Variants in RIMKLB observed in about 807,000 individuals in gnomAD.
The protein encoded by RIMKLB is ribosomal modification protein rimK like family member B.
A neutral mutation model predicts 32.0 loss-of-function variants in RIMKLB; 7 were observed. That is an observed-to-expected ratio of 0.22 (90% CI 0.12 to 0.41). The LOEUF (loss-of-function observed/expected upper bound fraction) is 0.41, where lower values mean the gene tolerates loss of function less well. RIMKLB is among the 10% of genes least tolerant of loss of function. The pLI, the probability that RIMKLB is intolerant of heterozygous loss-of-function variation, is 1.00. For synonymous variants in RIMKLB, 172 were observed against 185.1 expected, an observed-to-expected ratio of 0.93 and a Z score of 0.57; for missense variants, 289 against 498.7, an observed-to-expected ratio of 0.58 and a Z score of 4.00.
intron 1 of RIMKLB, among the ~76,000 whole-genome samples, chr12:8,702,858 A>C (rs1565552507): frequency 6.6e-6 from 1 of 152,260 alleles, no homozygotes; most frequent in East Asian, 1.9e-4. Context: ...AAATTTAGAC[A>C]GAAGGCCAGA....
downstream of RIMKLB, chr12:8,777,215 CTTTTTTTTT>C (rs35828763): frequency 2.8e-4 from 199 of 703,910 alleles, no homozygotes; most frequent in Admixed American, 9.0e-4. Flanking sequence ...TGCTTGCTTT[CTTTTTTTTT>C]TTTTTTTTTT....
At chr12:8,763,999 A>G (rs1287785843) in intron 5 of RIMKLB, among the ~76,000 whole-genome samples, 5 of 152,186 alleles carry the variant, frequency 3.3e-5, no homozygotes, top group African/African-American at 1.2e-4. Flanking sequence ...AGCAGAGTAT[A>G]AGGGTTAGGT....
At chr12:8,762,090 G>A (rs1348507101) in intron 5 of RIMKLB, among the ~76,000 whole-genome samples, 1 of 152,106 alleles carries the variant, frequency 6.6e-6, no homozygotes, top group Non-Finnish European at 1.5e-5. Context: ...GGTGAAAGTG[G>A]GGTTTCCTTT....
At chr12:8,690,618 T>C (rs1942705450) in intron 1 of RIMKLB, among the ~76,000 whole-genome samples, 2 of 152,210 alleles carry the variant, frequency 1.3e-5, no homozygotes, top group Admixed American at 6.5e-5. Context: ...CTCCGTTTGC[T>C]CATCTGTAAA....
At chr12:8,698,711 C>CA in intron 1 of RIMKLB, among the ~76,000 whole-genome samples, 1 of 146,360 alleles carries the variant, frequency 6.8e-6, no homozygotes, top group East Asian at 1.9e-4. Flanking sequence ...TCCCCCTCCC[C>CA]CCCCTTCCCA....
rs912610962 is a variant in RIMKLB at position 8,745,119 on chromosome 12, T to G, written c.176-4743T>G. On this transcript the variant is annotated intron_variant, in intron 2 of 5. Coordinates refer to ENST00000535829, the MANE Select transcript of RIMKLB (RefSeq NM_001297776.2). ...GTTTGGTTTTCTGTCCTTGTGAAAT[T>G]TTTGTGTTTTTAGTAGAGACGGGTT... Among the ~76,000 whole-genome samples the G allele has an allele frequency of 6.6e-5, 10 of 151,936 alleles. 1 individual carries two copies. The highest frequency in any genetic ancestry group is 2.4e-4 in the African/African-American group (10 of 41,196).
chr12:8,737,125 A>G (rs116609451), intron 2 of RIMKLB, among the ~76,000 whole-genome samples: 1 of 152,254 alleles, frequency 6.6e-6, no homozygotes, highest in African/African-American at 2.4e-5. Flanking sequence ...ATTAATTACT[A>G]TTAACTAATA....
chr12:8,711,400 GA>G (rs148274515), intron 1 of RIMKLB, among the ~76,000 whole-genome samples: 12 of 149,064 alleles, frequency 8.1e-5, no homozygotes, highest in South Asian at 2.1e-4. Flanking sequence ...GTCTCAGAAA[GA>G]AAAAAAAAAT....
rs758610904 is a variant in RIMKLB, at chr12:8,764,072, C to T, written c.698-9249C>T. ...TCCTGAGATCTTGCACTAACCTCCA[C>T]TGTCCGTTGGGTTTCTGTACTCCTA... is the stretch of plus-strand genomic sequence containing the variant. On this transcript the variant is annotated intron_variant, in intron 5 of 5. Coordinates refer to ENST00000535829, the MANE Select transcript of RIMKLB (RefSeq NM_001297776.2). Among the ~76,000 whole-genome samples, 48 of 152,314 alleles carry T rather than the reference C, an allele frequency of 3.2e-4. No individual in the cohort carries two copies. In the Middle Eastern group the frequency reaches 0.01, roughly 32 times the overall value.
chr12:8,703,991 A>G (rs973291616), intron 1 of RIMKLB, among the ~76,000 whole-genome samples: 6 of 152,212 alleles, frequency 3.9e-5, no homozygotes, highest in Non-Finnish European at 8.8e-5. Flanking sequence ...TGGGTCTACT[A>G]TTGTGATATC....
intron 3 of RIMKLB, 37 bp downstream of exon 3, chr12:8,750,129 A>G (rs1232796101): frequency 9.4e-6 from 12 of 1,280,864 alleles, no homozygotes; most frequent in Non-Finnish European, 1.2e-5. Flanking sequence ...CCTGAATATT[A>G]ACCACTGATA....
At position 8,774,853 on chromosome 12, in the gene RIMKLB, TCACATTTTA is replaced by T. The variant is rs1186288947; in HGVS notation, c.*1071_*1079del. On this transcript the variant is annotated 3_prime_UTR_variant, in exon 6 of 6. Coordinates refer to ENST00000535829, the MANE Select transcript of RIMKLB (RefSeq NM_001297776.2). ...TGCCAGCGTTATATATTTGCATTTT[TCACATTTTA>T]CGAGGGAGTATATGTGTATGTGTGT... 23 of 985,570 alleles carry T rather than the reference TCACATTTTA, an allele frequency of 2.3e-5. No individual in the cohort carries two copies. The highest frequency in any genetic ancestry group is 3.5e-5 in the African/African-American group (2 of 57,260). 61.1% of individuals were successfully genotyped at this position (985,570 alleles called of 1,614,324 possible). A position where few individuals can be genotyped will look rare whatever the true frequency, so the allele number is the denominator to read the frequency against.
intron 5 of RIMKLB, among the ~76,000 whole-genome samples, chr12:8,767,220 T>C (rs1272569555): frequency 1.3e-5 from 2 of 152,258 alleles, no homozygotes; most frequent in Non-Finnish European, 2.9e-5. Context: ...TATCTTTCTC[T>C]TTCTCTCTTT....
chr12:8,771,216 G>T (rs951033227), intron 5 of RIMKLB, among the ~76,000 whole-genome samples: 5 of 152,166 alleles, frequency 3.3e-5, no homozygotes, highest in Non-Finnish European at 7.3e-5. Context: ...GGGAAACCCA[G>T]CAAGGCCTGT....
chr12:8,742,240 A>G (rs762027259), intron 2 of RIMKLB, among the ~76,000 whole-genome samples: 21 of 151,956 alleles, frequency 1.4e-4, no homozygotes, highest in Non-Finnish European at 2.5e-4. Flanking sequence ...TAACATAAAA[A>G]TCATTAATCA....
chr12:8,752,340 G>A (rs753904848), intron 4 of RIMKLB, among the ~76,000 whole-genome samples: 3 of 152,196 alleles, frequency 2.0e-5, no homozygotes, highest in East Asian at 3.8e-4. Context: ...ATCGCCTGAG[G>A]TCAGGAGTTC....
intron 2 of RIMKLB, among the ~76,000 whole-genome samples, chr12:8,719,471 C>T (rs915279690): frequency 2.6e-5 from 4 of 152,110 alleles, no homozygotes; most frequent in Non-Finnish European, 4.4e-5. Context: ...CAGATTCAAG[C>T]GATTCTCCTG....
intron 2 of RIMKLB, 126 bp downstream of exon 2, chr12:8,714,167 G>T (rs1944608132): frequency 2.9e-6 from 2 of 681,806 alleles, no homozygotes; most frequent in South Asian, 4.1e-5. Context: ...CTAATTATAA[G>T]GTCTAATATA....
At chr12:8,767,393 G>T (rs1365748192) in intron 5 of RIMKLB, among the ~76,000 whole-genome samples, 1 of 152,148 alleles carries the variant, frequency 6.6e-6, no homozygotes, top group African/African-American at 2.4e-5. Context: ...CGTAGCCTAG[G>T]GGCCTAAGGA....
Sources: allele counts gnomAD v4.1 joint callset (sites outside exome capture counted in the v4.1 genomes callset), GRCh38; gene constraint gnomAD v4.1.1; transcripts MANE v1.5; gene names NCBI Gene and HGNC (gene_info 2026-07-23, HGNC 2026-07-21).